The following ST18 variants were observed in gnomAD, a reference collection of about 807,000 sequenced individuals.
The protein encoded by ST18 is ST18 C2H2C-type zinc finger transcription factor.
A neutral mutation model predicts 110.0 loss-of-function variants in ST18; 50 were observed. The ratio of observed to expected loss-of-function variants is 0.45; its 90% CI spans 0.36 to 0.58. ST18 has a LOEUF of 0.58. Ranked by LOEUF, ST18 falls within the 20% of genes least tolerant of loss-of-function variation. The pLI is 0.00. For synonymous variants in ST18, 461 were observed against 452.4 expected (o/e 1.02, Z -0.24); for missense variants, 1,306 against 1,280.1 (o/e 1.02, Z -0.31).
chr8:52,176,212 A>G (rs1376238643), intron 9 of ST18, among the ~76,000 whole-genome samples: 1 of 151,936 alleles, frequency 6.6e-6, no homozygotes, highest in Non-Finnish European at 1.5e-5. Context: ...TTTAGTAGAG[A>G]TGGGGTTTCA....
intron 2 of ST18, among the ~76,000 whole-genome samples, chr8:52,360,372 A>T (rs1275264137): frequency 6.6e-6 from 1 of 152,156 alleles, no homozygotes; most frequent in Non-Finnish European, 1.5e-5. Context: ...ACATAATTAA[A>T]TATAAATATA....
At chr8:52,361,692 T>C (rs933465868) in intron 2 of ST18, among the ~76,000 whole-genome samples, 4 of 152,216 alleles carry the variant, frequency 2.6e-5, no homozygotes, top group Admixed American at 6.5e-5. Flanking sequence ...AGCTAAACGA[T>C]GCTAAGAAAC....
At chr8:52,300,371 A>G (rs2095700114) in intron 2 of ST18, among the ~76,000 whole-genome samples, 1 of 152,220 alleles carries the variant, frequency 6.6e-6, no homozygotes, top group African/African-American at 2.4e-5. Context: ...TAGAAAACAA[A>G]TTTTAATAAA....
intron 9 of ST18, among the ~76,000 whole-genome samples, chr8:52,173,534 T>A (rs530030938): frequency 2.0e-5 from 3 of 151,820 alleles, no homozygotes; most frequent in Admixed American, 6.6e-5. Flanking sequence ...GGTGACAGAG[T>A]GTATAGACAA....
chr8:52,382,403 T>TA (rs1834903671), intron 2 of ST18, among the ~76,000 whole-genome samples: 1 of 152,242 alleles, frequency 6.6e-6, no homozygotes, highest in African/African-American at 2.4e-5. Flanking sequence ...AAAACACTGT[T>TA]ATCATCTGGT....
Position 52,172,301 on chromosome 8 carries a change from C to A in ST18, c.560G>T (p.Cys187Phe), listed in dbSNP as rs1392562099. Residue 187 changes from cysteine to phenylalanine, a missense_variant, in exon 10 of 26, where the codon TGC becomes TTC. Cys to Phe is a radical substitution (Grantham distance 205). Transcript: ENST00000689386. ...DKIDDSQPPF[C>F]SSDDNESNSE... ...GTTACTTTCATTGTCATCAGAGGAG[C>A]AGAAGGGTGGCTGAGAATCATCAAT... 3 of 1,614,188 alleles carry A rather than the reference C, an allele frequency of 1.9e-6. No homozygotes were observed. Among genetic ancestry groups the A allele is most frequent in the South Asian group, 1.1e-5 (1 of 91,088 alleles).
At chr8:52,321,725 T>C (rs1804005783) in intron 2 of ST18, among the ~76,000 whole-genome samples, 1 of 152,192 alleles carries the variant, frequency 6.6e-6, no homozygotes, top group African/African-American at 2.4e-5. Flanking sequence ...GGCAAACAAA[T>C]AAAGTTTTTA....
intron 2 of ST18, among the ~76,000 whole-genome samples, chr8:52,362,909 G>C (rs11990359): frequency 2.0e-5 from 3 of 152,000 alleles, no homozygotes; most frequent in African/African-American, 7.3e-5. Flanking sequence ...GACTAGAGAG[G>C]TGTGTTAAAA....
chr8:52,380,548 T>C (rs1257170067), intron 2 of ST18, among the ~76,000 whole-genome samples: 1 of 152,104 alleles, frequency 6.6e-6, no homozygotes, highest in African/African-American at 2.4e-5. Flanking sequence ...AGAACATCTG[T>C]CTCCTCTCCC....
rs1563485847 is a variant in ST18 at position 52,118,335 on chromosome 8, T to TA, written c.2859+2dup. Reference sequence around the variant, plus strand: ...AGGATCATGAATTACTTCTTTTTTTTACCTGGGTCTGAAGTTTCATCATAT... The same window carrying TA: ...AGGATCATGAATTACTTCTTTTTTTTAACCTGGGTCTGAAGTTTCATCATAT... On this transcript the variant is annotated splice_region_variant and intron_variant, in intron 24 of 25. Coordinates refer to ENST00000689386, the MANE Select transcript of ST18 (RefSeq NM_001352837.2). 2 of 1,581,598 alleles carry TA rather than the reference T, an allele frequency of 1.3e-6. No individual in the cohort carries two copies. The highest frequency in any genetic ancestry group is 2.2e-5 in the East Asian group (1 of 44,614).
chr8:52,130,163 G>GAAAGAAAGAAAGAAAGAAAGAA (rs1554586162), intron 22 of ST18, among the ~76,000 whole-genome samples: 1 of 144,240 alleles, frequency 6.9e-6, no homozygotes, highest in African/African-American at 2.7e-5. Flanking sequence ...AAGAAAGAAA[G>GAAAGAAAGAAAGAAAGAAAGAA]AAAAAGAAAA....
chr8:52,140,979 A>G (rs749730150), intron 17 of ST18, among the ~76,000 whole-genome samples: 4 of 152,154 alleles, frequency 2.6e-5, no homozygotes, highest in Non-Finnish European at 4.4e-5. Context: ...AGTGGCTTCT[A>G]AGAAGTTTCT....
intron 10 of ST18, 51 bp from the exon 11 acceptor site, chr8:52,167,037 C>G (rs2063248366): frequency 6.4e-7 from 1 of 1,567,174 alleles, no homozygotes; most frequent in Non-Finnish European, 8.7e-7. Context: ...TGCTTTTCTT[C>G]CCATTCAATA....
intron 15 of ST18, among the ~76,000 whole-genome samples, chr8:52,156,284 C>G (rs559318543): frequency 6.6e-6 from 1 of 152,304 alleles, no homozygotes; most frequent in Admixed American, 6.5e-5. Flanking sequence ...GAGTCCATCA[C>G]CAGGATGTCT....
At chr8:52,321,074 T>C (rs990845433) in intron 2 of ST18, among the ~76,000 whole-genome samples, 5 of 152,212 alleles carry the variant, frequency 3.3e-5, no homozygotes, top group African/African-American at 1.2e-4. Context: ...ATGATCCTTT[T>C]AGCGTGTCAC....
intron 2 of ST18, among the ~76,000 whole-genome samples, chr8:52,386,887 C>T (rs751988875): frequency 9.2e-5 from 14 of 152,126 alleles, no homozygotes; most frequent in Non-Finnish European, 1.3e-4. Context: ...CTCAAATCCA[C>T]GAAAAGCTAT....
intron 23 of ST18, among the ~76,000 whole-genome samples, chr8:52,124,198 CAG>C (rs2046095600): frequency 6.6e-6 from 1 of 150,778 alleles, no homozygotes; most frequent in Non-Finnish European, 1.5e-5. Context: ...TTTTTTGAGA[CAG>C]AGTCTCACTC....
intron 2 of ST18, among the ~76,000 whole-genome samples, chr8:52,392,327 G>T (rs922166858): frequency 5.3e-5 from 8 of 152,048 alleles, no homozygotes; most frequent in Admixed American, 5.2e-4. Context: ...GGTGTTGGTG[G>T]TAGTAGTGGT....
chr8:52,145,072 A>G (rs2056768840), intron 16 of ST18, among the ~76,000 whole-genome samples: 1 of 150,184 alleles, frequency 6.7e-6, no homozygotes, highest in African/African-American at 2.5e-5. Flanking sequence ...TTTTTTTTTA[A>G]CGAAAACGGC....
Sources: allele counts gnomAD v4.1 joint callset (sites outside exome capture counted in the v4.1 genomes callset), GRCh38; gene constraint gnomAD v4.1.1; transcripts MANE v1.5; gene names NCBI Gene and HGNC (gene_info 2026-07-23, HGNC 2026-07-21).